NKAIN3: variants seen among roughly 807,000 people sequenced by gnomAD.
The protein encoded by NKAIN3 is sodium/potassium-transporting ATPase subunit beta-1-interacting protein 3.
NKAIN3 carries 25 observed loss-of-function variants against 30.2 expected under a neutral mutation model. The ratio of observed to expected loss-of-function variants is 0.83; its 90% CI spans 0.60 to 1.16. NKAIN3 has a LOEUF of 1.16. NKAIN3 is among the 50% of genes most tolerant of loss of function. The pLI, the probability that NKAIN3 is intolerant of heterozygous loss-of-function variation, is 0.00. For synonymous variants in NKAIN3, 91 were observed against 89.6 expected, an observed-to-expected ratio of 1.02 and a Z score of -0.09; for missense variants, 225 against 254.1, an observed-to-expected ratio of 0.89 and a Z score of 0.78.
In NKAIN3 at chr8:62,641,027, C is replaced by T. The variant is rs541634647; in HGVS notation, c.273+51233C>T. 4.6e-5 allele frequency among the ~76,000 whole-genome samples: 7 copies of T among 150,584 alleles called. No homozygotes were observed. In the South Asian group the frequency reaches 1.5e-3, roughly 32 times the overall value. The stretch of plus-strand genomic sequence containing the variant: ...CATTTATTTATTTTTTTTTTTTAGT[C>T]CCTTGCTTCTCAAAGTTGGTCCTAA... On this transcript the variant is annotated intron_variant, in intron 3 of 6. Transcript: ENST00000623646.
At chr8:62,274,473 C>T (rs1191610918) in intron 1 of NKAIN3, among the ~76,000 whole-genome samples, 2 of 151,950 alleles carry the variant, frequency 1.3e-5, no homozygotes, top group African/African-American at 2.4e-5. Context: ...GCATCTAAGG[C>T]GTTGGGGAAG....
At chr8:62,818,914 G>C (rs1278762956) in intron 4 of NKAIN3, among the ~76,000 whole-genome samples, 1 of 151,808 alleles carries the variant, frequency 6.6e-6, no homozygotes, top group Admixed American at 6.6e-5. Flanking sequence ...AGCATGCTGG[G>C]AAGATTGCTA....
At chr8:62,669,261 A>T (rs1813224535) in intron 3 of NKAIN3, among the ~76,000 whole-genome samples, 1 of 152,158 alleles carries the variant, frequency 6.6e-6, no homozygotes, top group South Asian at 2.1e-4. Flanking sequence ...AAACTTTATG[A>T]GATCTGCATT....
intron 1 of NKAIN3, among the ~76,000 whole-genome samples, chr8:62,375,365 A>G (rs1305091602): frequency 2.6e-5 from 4 of 152,172 alleles, no homozygotes; most frequent in Non-Finnish European, 5.9e-5. Flanking sequence ...CATGTTTGAA[A>G]CCCACTGATA....
intron 4 of NKAIN3, among the ~76,000 whole-genome samples, chr8:62,907,813 G>T (rs1421550509): frequency 6.6e-6 from 1 of 152,242 alleles, no homozygotes; most frequent in Non-Finnish European, 1.5e-5. Context: ...GAGGTGTGCT[G>T]CAGGAGCACA....
chr8:62,494,211 T>C (rs1807160935), intron 1 of NKAIN3, among the ~76,000 whole-genome samples: 1 of 152,192 alleles, frequency 6.6e-6, no homozygotes, highest in Non-Finnish European at 1.5e-5. Context: ...AACTCGTTTA[T>C]TGAGAATTTT....
intron 1 of NKAIN3, among the ~76,000 whole-genome samples, chr8:62,440,838 G>C (rs1374899221): frequency 6.6e-6 from 1 of 152,122 alleles, no homozygotes; most frequent in African/African-American, 2.4e-5. Flanking sequence ...TCTGGCTATT[G>C]CAAGAGTTTA....
At chr8:62,600,375 G>A (rs73683338) in intron 3 of NKAIN3, among the ~76,000 whole-genome samples, 8,871 of 152,066 alleles carry the variant, frequency 0.058, 905 homozygotes, top group African/African-American at 0.2. Context: ...GGACAGGGGA[G>A]GAAAATGGAC....
intron 3 of NKAIN3, among the ~76,000 whole-genome samples, chr8:62,606,668 T>G (rs1281832731): frequency 2.6e-5 from 4 of 152,204 alleles, no homozygotes; most frequent in African/African-American, 9.6e-5. Context: ...GAATCATTTT[T>G]AAATGGGCCA....
chr8:62,281,371 C>T (rs1401767023), intron 1 of NKAIN3, among the ~76,000 whole-genome samples: 1 of 152,000 alleles, frequency 6.6e-6, no homozygotes, highest in African/African-American at 2.4e-5. Flanking sequence ...GTGTCTCTAT[C>T]TCCTTCAATT....
chr8:62,921,048 A>G (rs1822260792), intron 5 of NKAIN3, among the ~76,000 whole-genome samples: 1 of 152,216 alleles, frequency 6.6e-6, no homozygotes. Flanking sequence ...GATCTCATAC[A>G]CTAGTACTAT....
At chr8:62,475,383 G>A (rs545834068) in intron 1 of NKAIN3, among the ~76,000 whole-genome samples, 3 of 152,080 alleles carry the variant, frequency 2.0e-5, no homozygotes, top group African/African-American at 2.4e-5. Flanking sequence ...CCTGCTCTTC[G>A]TGGGCCCTTC....
chr8:62,613,213 T>C (rs1368904984), intron 3 of NKAIN3, among the ~76,000 whole-genome samples: 2 of 152,154 alleles, frequency 1.3e-5, no homozygotes, highest in Non-Finnish European at 2.9e-5. Flanking sequence ...GCCTGGTATT[T>C]ATGAAATCAC....
intron 4 of NKAIN3, among the ~76,000 whole-genome samples, chr8:62,761,592 C>T (rs1182810043): frequency 6.6e-6 from 1 of 152,200 alleles, no homozygotes; most frequent in Non-Finnish European, 1.5e-5. Flanking sequence ...ATGTATTCTT[C>T]AGGCATTCCT....
At chr8:62,388,742 G>A (rs1250335960) in intron 1 of NKAIN3, among the ~76,000 whole-genome samples, 1 of 152,172 alleles carries the variant, frequency 6.6e-6, no homozygotes. Flanking sequence ...CTTCAAACTG[G>A]GATTTCAGCC....
intron 3 of NKAIN3, among the ~76,000 whole-genome samples, chr8:62,708,347 C>T (rs1302177117): frequency 6.6e-6 from 1 of 152,080 alleles, no homozygotes; most frequent in Admixed American, 6.6e-5. Flanking sequence ...TGATTCTACC[C>T]TTCCATGAGC....
chr8:62,747,082 T>A lies in NKAIN3; in HGVS notation c.424T>A (p.Phe142Ile). The part of the protein sequence containing the change: ...YVSVTGCIVD[F>I]QYLEVIHSAV... ...CTCTGTCACAGGCTGCATCGTTGAC[T>A]TCCAGTACCTGGAGGTCATCCACAG... Residue 142 changes from phenylalanine (F) to isoleucine (I), a missense_variant, in exon 4 of 7, where the codon TTC (phenylalanine) becomes ATC (isoleucine). Phe to Ile is a conservative substitution (Grantham distance 21, BLOSUM62 0). Transcript: ENST00000623646. 1 of 1,613,042 alleles carries A rather than the reference T, an allele frequency of 6.2e-7. No homozygotes were observed. Among genetic ancestry groups the A allele is most frequent in the Non-Finnish European group, 8.5e-7 (1 of 1,179,012 alleles).
intron 5 of NKAIN3, among the ~76,000 whole-genome samples, chr8:62,945,275 G>T (rs943931243): frequency 6.6e-6 from 1 of 152,160 alleles, no homozygotes; most frequent in African/African-American, 2.4e-5. Context: ...AGATAAAGAG[G>T]CTGAGATATG....
At chr8:62,452,471 G>A (rs747614068) in intron 1 of NKAIN3, among the ~76,000 whole-genome samples, 4 of 151,918 alleles carry the variant, frequency 2.6e-5, no homozygotes, top group Non-Finnish European at 5.9e-5. Context: ...GTGAGACTCT[G>A]TCTCAAAAAT....
Sources: gnomAD v4.1 joint callset for allele counts (sites outside exome capture counted in the v4.1 genomes callset) on GRCh38, gnomAD v4.1.1 for gene constraint, MANE v1.5 for transcripts, NCBI Gene and HGNC (gene_info 2026-07-23, HGNC 2026-07-21) for gene names.